The following CEP170B variants were observed in gnomAD, a reference collection of about 807,000 sequenced individuals.
CEP170B encodes centrosomal protein 170B, also known as centrosomal protein of 170 kDa protein B.
CEP170B carries 55 observed loss-of-function variants against 120.6 expected under a neutral mutation model. The ratio of observed to expected loss-of-function variants is 0.46; its 90% CI spans 0.37 to 0.57. The LOEUF is 0.57. Among genes scored for constraint, CEP170B ranks in the 20% least tolerant of loss-of-function variants. CEP170B has a pLI of 0.00. For synonymous variants in CEP170B, 1,033 were observed against 954.5 expected (o/e 1.08, Z -1.52); for missense variants, 2,212 against 2,253.3 (o/e 0.98, Z 0.37).
intron 9 of CEP170B, 78 bp downstream of exon 9, chr14:104,884,627 C>G (rs1185120875): frequency 3.8e-6 from 5 of 1,328,292 alleles, no homozygotes; most frequent in Admixed American, 2.3e-5. Context: ...GAGTGAGAGC[C>G]CTCGTGGGGA....
At chr14:104,873,582 C>T (rs1306996143) in intron 2 of CEP170B, among the ~76,000 whole-genome samples, 4 of 151,958 alleles carry the variant, frequency 2.6e-5, no homozygotes, top group African/African-American at 9.7e-5. Flanking sequence ...AGGCCTGGGG[C>T]AGGGCTCAGA....
At chr14:104,875,581 G>A (rs939397406) in intron 2 of CEP170B, among the ~76,000 whole-genome samples, 6 of 151,796 alleles carry the variant, frequency 4.0e-5, no homozygotes, top group Admixed American at 6.6e-5. Context: ...AGCTGTGCTC[G>A]CAGTGCTGTG....
chr14:104,888,855 G>A (rs962822157), intron 12 of CEP170B, among the ~76,000 whole-genome samples: 2 of 152,178 alleles, frequency 1.3e-5, no homozygotes, highest in Non-Finnish European at 2.9e-5. Context: ...GCTGGAGGAA[G>A]GGGTGGGGCG....
At chr14:104,873,802 G>T (rs1270379615) in intron 2 of CEP170B, among the ~76,000 whole-genome samples, 1 of 152,136 alleles carries the variant, frequency 6.6e-6, no homozygotes, top group Admixed American at 6.5e-5. Context: ...TCATGCCCCT[G>T]CTGGACCCCA....
rs756650412 is a variant in CEP170B, at chr14:104,868,490, G to C, written c.40G>C (p.Ala14Pro). 9 of 1,549,400 alleles carry C rather than the reference G, an allele frequency of 5.8e-6. No individual in the cohort carries two copies. The South Asian group carries it at 1.1e-4, about 18-fold the overall frequency. ...CTGGTTCCTGGTGAGCAGCAGCGGCGCCCGCCACCGGCTCCCTCGGGAGCT... is the reference window on the plus strand; with the variant it reads ...CTGGTTCCTGGTGAGCAGCAGCGGCCCCCGCCACCGGCTCCCTCGGGAGCT... ...TSWFLVSSSGARHRLPRELIF... is the reference protein window; with the variant it reads ...TSWFLVSSSGPRHRLPRELIF... Residue 14 changes from alanine (A) to proline (P), a missense_variant, in exon 2 of 19, where the codon GCC becomes CCC. Transcript: ENST00000414716. This position sits in a 1 kb window ranked among gnomAD's most constrained non-coding sequence, Gnocchi z 5.9.
intron 2 of CEP170B, among the ~76,000 whole-genome samples, chr14:104,872,348 G>A (rs1895576267): frequency 7.2e-6 from 1 of 138,464 alleles, no homozygotes; most frequent in Non-Finnish European, 1.5e-5. Context: ...GCGTGTGTGT[G>A]CGTGTGTGTG....
In CEP170B at chr14:104,867,998, TGGA is replaced by T. The variant is rs761689324; in HGVS notation, c.-27-425_-27-423del. On this transcript the variant is annotated intron_variant, in intron 1 of 18. Coordinates refer to ENST00000414716, the MANE Select transcript of CEP170B (RefSeq NM_001112726.3). This position sits in a 1 kb window ranked among gnomAD's most constrained non-coding sequence, Gnocchi z 5.4. ...ATGTCTTGGGGTGGGTCTGGTGCTG[TGGA>T]CCTGGCATCATGGGGACCCTGATGG... Among the ~76,000 whole-genome samples the T allele has an allele frequency of 3.3e-5, 5 of 152,068 alleles. No homozygotes were observed. The highest frequency in any genetic ancestry group is 7.4e-5 in the Non-Finnish European group (5 of 67,998).
In CEP170B at chr14:104,887,172, C is replaced by T; in HGVS notation, c.2933C>T (p.Pro978Leu). 1 of 1,608,058 alleles carries T rather than the reference C, an allele frequency of 6.2e-7. No individual in the cohort carries two copies. Among genetic ancestry groups the T allele is most frequent in the Non-Finnish European group, 8.5e-7 (1 of 1,179,744 alleles). ...KSGPSPTTPQ[P>L]LRAQKEMSPS... is the part of the protein sequence containing the mutation. ...GGGCCCAGCCCCACAACCCCCCAGC[C>T]TCTGCGGGCACAGAAGGAGATGTCG... Residue 978 changes from proline (P) to leucine (L), a missense_variant, in exon 12 of 19, where the codon CCT (proline) becomes CTT (leucine). This residue lies in a region of CEP170B where 2,166 missense variants were observed against 2,166.7 expected (regional missense o/e 1.00). Transcript: ENST00000414716.
At chr14:104,885,197 C>G (rs574844244) in intron 9 of CEP170B, among the ~76,000 whole-genome samples, 172 bp from the exon 10 acceptor site, 1 of 152,220 alleles carries the variant, frequency 6.6e-6, no homozygotes, top group South Asian at 2.1e-4. Context: ...GGGCTGGGTC[C>G]GTATCCCATC....
At chr14:104,880,621 C>T (rs1294534446) in intron 6 of CEP170B, among the ~76,000 whole-genome samples, 196 bp downstream of exon 6, 1 of 151,776 alleles carries the variant, frequency 6.6e-6, no homozygotes, top group East Asian at 1.9e-4. Context: ...TGCACACCCA[C>T]ATTCCTCACC....
rs760912521 is a variant in CEP170B at position 104,894,102 on chromosome 14, C to T, written c.4272-183C>T. On this transcript the variant is annotated intron_variant, in intron 16 of 18. Transcript: ENST00000414716. ...TCATCCCGGGCCCAGCCCTCCCCACCGCCGAGTGTCAGGCACAGATGGGAC... is the reference window on the plus strand; with the variant it reads ...TCATCCCGGGCCCAGCCCTCCCCACTGCCGAGTGTCAGGCACAGATGGGAC... The T allele has an allele frequency of 9.7e-5, 64 of 658,042 alleles. 1 individual carries two copies. Among genetic ancestry groups the T allele is most frequent in the Middle Eastern group, 7.7e-4 (3 of 3,908 alleles). The allele number at this position is 658,042 out of a possible 1,614,324, so 40.8% of individuals were successfully genotyped here. A position where few individuals can be genotyped will look rare whatever the true frequency, so the allele number is the denominator to read the frequency against.
intron 16 of CEP170B, 173 bp from the exon 17 acceptor site, chr14:104,894,112 C>A: frequency 1.5e-6 from 1 of 670,452 alleles, no homozygotes; most frequent in East Asian, 2.7e-5. Flanking sequence ...CGCCGAGTGT[C>A]AGGCACAGAT....
At chr14:104,882,433 A>G (rs72700187) in intron 6 of CEP170B, among the ~76,000 whole-genome samples, 4,378 of 152,122 alleles carry the variant, frequency 0.029, 76 homozygotes, top group Middle Eastern at 0.085. Flanking sequence ...GCCTCTGAGT[A>G]CATCAGAGGG....
At position 104,868,921 on chromosome 14, in the gene CEP170B, G is replaced by C. The variant is rs952780895; in HGVS notation, c.105+366G>C. On this transcript the variant is annotated intron_variant, in intron 2 of 18. Transcript: ENST00000414716. This position sits in a 1 kb window ranked among gnomAD's most constrained non-coding sequence, Gnocchi z 5.9. ...GGGCTTTGGAAGGTCCTGGAAAGCCGGTCTGTCCATATTCTTGTTGTCTGG... is the reference window on the plus strand; with the variant it reads ...GGGCTTTGGAAGGTCCTGGAAAGCCCGTCTGTCCATATTCTTGTTGTCTGG... 5.3e-5 allele frequency among the ~76,000 whole-genome samples: 8 copies of C among 152,156 alleles called. No homozygotes were observed. Among genetic ancestry groups the C allele is most frequent in the African/African-American group, 1.9e-4 (8 of 41,426 alleles).
At chr14:104,878,010 C>A (rs2304757) in intron 4 of CEP170B, 47 bp downstream of exon 4, 30 of 1,476,408 alleles carry the variant, frequency 2.0e-5, no homozygotes, top group Middle Eastern at 1.7e-4. Flanking sequence ...TTCTCAGTCC[C>A]CAGGACCACA....
At chr14:104,877,639 A>G (rs962592441) in intron 3 of CEP170B, among the ~76,000 whole-genome samples, 3 of 152,170 alleles carry the variant, frequency 2.0e-5, no homozygotes, top group African/African-American at 7.2e-5. Context: ...GGAGGGTTCC[A>G]TCATGGTCCC....
chr14:104,872,499 T>TGTGCCGTGTGG, intron 2 of CEP170B, among the ~76,000 whole-genome samples: 1 of 123,750 alleles, frequency 8.1e-6, no homozygotes. Flanking sequence ...CGTGTGTGTG[T>TGTGCCGTGTGG]GCGTGTGTAA....
In CEP170B at chr14:104,887,995, G is replaced by A. The variant is rs768008038; in HGVS notation, c.3739+17G>A. On this transcript the variant is annotated intron_variant, in intron 12 of 18. Transcript: ENST00000414716. ...ACACCTCCAGTGAGTGCCAGGGCGG[G>A]TGGGAGGCCAGGGCCAAGACAGGGC... 6.8e-7 allele frequency: 1 copy of A among 1,470,532 alleles called. No individual in the cohort carries two copies. The highest frequency in any genetic ancestry group is 2.3e-5 in the Admixed American group (1 of 44,006). 91.1% of individuals were successfully genotyped at this position (1,470,532 alleles called of 1,614,324 possible).
chr14:104,879,870 G>A (rs1896054146), intron 5 of CEP170B, among the ~76,000 whole-genome samples: 1 of 152,182 alleles, frequency 6.6e-6, no homozygotes, highest in Admixed American at 6.5e-5. Flanking sequence ...CTCCCCGGGA[G>A]CCCTTTGGGG....
Sources: gnomAD v4.1 joint callset for allele counts (sites outside exome capture counted in the v4.1 genomes callset) on GRCh38, gnomAD v4.1.1 for gene constraint, gnomAD v4.1.1 regional missense constraint, Gnocchi (gnomAD v3.1) non-coding constraint, MANE v1.5 for transcripts, NCBI Gene and HGNC (gene_info 2026-07-23, HGNC 2026-07-21) for gene names.